Variants in IL3RA observed in about 807,000 individuals in gnomAD.
The protein encoded by IL3RA is interleukin-3 receptor subunit alpha.
In IL3RA, 73 loss-of-function variants were observed where a neutral mutation model predicts 52.3. The ratio of observed to expected loss-of-function variants is 1.40; its 90% CI spans 1.16 to 1.70. IL3RA has a LOEUF of 1.70. IL3RA is among the 40% of genes most tolerant of loss of function. The probability of loss-of-function intolerance (pLI) is 0.00; values close to 1 mark genes in which losing one functional copy is unlikely to be tolerated. For missense variants in IL3RA, 664 were observed against 504.4 expected (o/e 1.32, Z -3.03); for synonymous variants, 260 against 194.0 (o/e 1.34, Z -2.83).
chrX:1,348,479 G>T lies in IL3RA; in HGVS notation c.232G>T (p.Val78Leu). ...GTTTGGAGCAATTTCCTTATGTGAA[G>T]TGACCAACTACACCGTCCGAGTGGC... ...CQFGAISLCE[V>L]TNYTVRVANP... The change falls in exon 4 of 12, where the codon GTG (valine) becomes TTG (leucine). Residue 78 changes from valine (V) to leucine (L), a missense_variant. Physicochemically the swap from Val to Leu is conservative, Grantham distance 32 (BLOSUM62 1). Transcript: ENST00000331035. The T allele has an allele frequency of 6.2e-7, 1 of 1,613,908 alleles. No homozygotes were observed. The highest frequency in any genetic ancestry group is 2.2e-5 in the East Asian group (1 of 44,880).
intron 6 of IL3RA, among the ~76,000 whole-genome samples, chrX:1,354,158 C>T (rs1411560459): frequency 2.0e-5 from 3 of 150,822 alleles, no homozygotes; most frequent in Non-Finnish European, 4.4e-5. Context: ...GGTCATGGGT[C>T]CCATCATGGG....
chrX:1,355,832 G>C (rs1177781752), intron 6 of IL3RA, among the ~76,000 whole-genome samples: 1 of 152,014 alleles, frequency 6.6e-6, no homozygotes, highest in Non-Finnish European at 1.5e-5. Flanking sequence ...CCCTGGGCAG[G>C]GGTGGGGAGT....
intron 6 of IL3RA, among the ~76,000 whole-genome samples, chrX:1,353,909 A>T (rs1174024700): frequency 2.5e-5 from 3 of 121,920 alleles, no homozygotes; most frequent in Non-Finnish European, 4.9e-5. Flanking sequence ...GAGTCATGGG[A>T]TCCCTCATCA....
intron 2 of IL3RA, 141 bp downstream of exon 2, chrX:1,341,970 C>A: frequency 1.1e-6 from 1 of 875,932 alleles, no homozygotes; most frequent in Non-Finnish European, 1.9e-6. Flanking sequence ...GGGAATGACT[C>A]AGACACTTCC....
At chrX:1,366,654 A>C (rs1315659659) in intron 9 of IL3RA, among the ~76,000 whole-genome samples, 1 of 10,342 alleles carries the variant, frequency 9.7e-5, no homozygotes, top group Non-Finnish European at 1.5e-4. Context: ...GAGCGGGGTG[A>C]GCCGGGTGCC....
intron 1 of IL3RA, 71 bp from the exon 2 acceptor site, chrX:1,341,657 A>G: frequency 8.4e-7 from 1 of 1,192,808 alleles, no homozygotes; most frequent in Non-Finnish European, 1.2e-6. Flanking sequence ...TGGAAGGGGC[A>G]AGCATCCTTC....
rs781734503 is a variant in IL3RA, at chrX:1,348,586, C to T, written c.298+41C>T. 4 of 1,369,466 alleles carry T rather than the reference C, an allele frequency of 2.9e-6. No individual in the cohort carries two copies. The Admixed American group carries it at 6.8e-5, about 23-fold the overall frequency. 84.8% of individuals were successfully genotyped at this position (1,369,466 alleles called of 1,614,324 possible). On this transcript the variant is annotated intron_variant, in intron 4 of 11. Coordinates refer to ENST00000331035, the MANE Select transcript of IL3RA (RefSeq NM_002183.4). The stretch of plus-strand genomic sequence containing the variant: ...ATTGTTTGTTTATTCTCTATTCCCT[C>T]CCTCCTTCCCTCTCTCCCTCCCTCT...
chrX:1,347,543 C>T lies in IL3RA; in HGVS notation c.184-888C>T, dbSNP rs1475846264. On this transcript the variant is annotated intron_variant, in intron 3 of 11. Transcript: ENST00000331035. The stretch of plus-strand genomic sequence containing the variant: ...GTGAGGCAGGAGAATTGCTTGAACC[C>T]GAGAGGTGGAGGTTGCAGTGAGCTG... Among the ~76,000 whole-genome samples, 15 of 149,850 alleles carry T rather than the reference C, an allele frequency of 1.0e-4. 1 individual carries two copies. Among genetic ancestry groups the T allele is most frequent in the East Asian group, 5.9e-4 (3 of 5,120 alleles).
intron 9 of IL3RA, among the ~76,000 whole-genome samples, chrX:1,378,021 A>G (rs2088908806): frequency 6.6e-6 from 1 of 151,472 alleles, no homozygotes; most frequent in African/African-American, 2.4e-5. Context: ...CCCCATCTCT[A>G]TGAGAAATAC....
chrX:1,342,487 A>C (rs1355321276), intron 2 of IL3RA, among the ~76,000 whole-genome samples: 1 of 149,898 alleles, frequency 6.7e-6, no homozygotes, highest in Admixed American at 6.7e-5. Context: ...TGGTTTTTAC[A>C]GTCTATTACT....
At chrX:1,346,004 A>C (rs1347441472) in intron 3 of IL3RA, among the ~76,000 whole-genome samples, 1 of 151,914 alleles carries the variant, frequency 6.6e-6, no homozygotes, top group Non-Finnish European at 1.5e-5. Flanking sequence ...AATGAGGCTA[A>C]GCTATGACTG....
chrX:1,359,002 A>C, intron 8 of IL3RA, 115 bp downstream of exon 8: 1 of 708,436 alleles, frequency 1.4e-6, no homozygotes, highest in South Asian at 4.6e-5. Context: ...AAATAATGAA[A>C]ATATTATTAA....
chrX:1,340,165 G>C (rs2085439078), intron 1 of IL3RA, among the ~76,000 whole-genome samples: 1 of 142,224 alleles, frequency 7.0e-6, no homozygotes, highest in African/African-American at 2.5e-5. Flanking sequence ...GTCCAGGCTG[G>C]AGTGCAGTGG....
At chrX:1,363,864 C>G (rs1349069489) in intron 8 of IL3RA, among the ~76,000 whole-genome samples, 1 of 151,754 alleles carries the variant, frequency 6.6e-6, no homozygotes, top group African/African-American at 2.4e-5. Context: ...AAACTACAGG[C>G]GTTTGCCACC....
At chrX:1,356,439 T>A (rs1330884557) in intron 7 of IL3RA, 103 bp downstream of exon 7, 2 of 693,384 alleles carry the variant, frequency 2.9e-6, no homozygotes, top group Non-Finnish European at 5.0e-6. Flanking sequence ...TCTCCTCTGA[T>A]AACGTCACAG....
intron 1 of IL3RA, among the ~76,000 whole-genome samples, chrX:1,338,944 C>T (rs2085392898): frequency 6.6e-6 from 1 of 152,074 alleles, no homozygotes; most frequent in Non-Finnish European, 1.5e-5. Flanking sequence ...GGACTACAGG[C>T]ACCCGCAACT....
In IL3RA at chrX:1,342,657, T is replaced by C. The variant is rs749493142; in HGVS notation, c.64+828T>C. 2.1e-4 allele frequency among the ~76,000 whole-genome samples: 31 copies of C among 148,100 alleles called. No individual in the cohort carries two copies. The East Asian group carries it at 4.7e-3, about 23-fold the overall frequency. On this transcript the variant is annotated intron_variant, in intron 2 of 11. Transcript: ENST00000331035. ...CTCACTGCAACCTCTACCTGCTGGG[T>C]TCAATTGATTCTCCTGTCTCAGCCT... is the stretch of plus-strand genomic sequence containing the variant.
Position 1,382,616 on chromosome X carries a change from C to T in IL3RA, c.*151C>T, listed in dbSNP as rs752914827. The T allele has an allele frequency of 2.7e-5, 19 of 704,366 alleles. No homozygotes were observed. Among genetic ancestry groups the T allele is most frequent in the South Asian group, 2.3e-4 (14 of 60,704 alleles). 43.6% of individuals were successfully genotyped at this position (704,366 alleles called of 1,614,324 possible). A position where few individuals can be genotyped will look rare whatever the true frequency, so the allele number is the denominator to read the frequency against. Reference sequence around the variant, plus strand: ...TGGGAGATGCCTGTGTAATTTCGTCCGAAGCTGCCAGGAAGAAGAACAGAA... The same window carrying T: ...TGGGAGATGCCTGTGTAATTTCGTCTGAAGCTGCCAGGAAGAAGAACAGAA... On this transcript the variant is annotated 3_prime_UTR_variant, in exon 12 of 12. Transcript: ENST00000331035.
At chrX:1,352,638 T>C (rs1421364309) in intron 6 of IL3RA, 132 bp downstream of exon 6, 11 of 1,004,814 alleles carry the variant, frequency 1.1e-5, no homozygotes, top group Non-Finnish European at 1.5e-5. Flanking sequence ...AGGCTGGACG[T>C]TGGAGGTCAG....
Sources: allele counts gnomAD v4.1 joint callset (sites outside exome capture counted in the v4.1 genomes callset), GRCh38; gene constraint gnomAD v4.1.1; transcripts MANE v1.5; gene names NCBI Gene and HGNC (gene_info 2026-07-23, HGNC 2026-07-21).